PTPN5: variants seen among roughly 807,000 people sequenced by gnomAD.
The protein encoded by PTPN5 is tyrosine-protein phosphatase non-receptor type 5.
PTPN5 carries 29 observed loss-of-function variants against 73.9 expected under a neutral mutation model. The observed-to-expected ratio is 0.39, with a 90% confidence interval of 0.29 to 0.54. The LOEUF is 0.54. PTPN5 is among the 20% of genes least tolerant of loss of function. The pLI, the probability that PTPN5 is intolerant of heterozygous loss-of-function variation, is 0.65. For missense variants in PTPN5, 652 were observed against 751.4 expected (o/e 0.87, Z 1.55); for synonymous variants, 267 against 304.7 (o/e 0.88, Z 1.29).
intron 1 of PTPN5, among the ~76,000 whole-genome samples, chr11:18,784,175 C>T (rs557533731): frequency 6.6e-6 from 1 of 152,266 alleles, no homozygotes; most frequent in East Asian, 1.9e-4. Flanking sequence ...GAGGTATATA[C>T]CCCAAAGAAT....
chr11:18,769,422 G>C (rs530517963), intron 2 of PTPN5, among the ~76,000 whole-genome samples: 1 of 152,142 alleles, frequency 6.6e-6, no homozygotes, highest in African/African-American at 2.4e-5. Flanking sequence ...ATTAATTTTT[G>C]AGACGGAGTC....
intron 1 of PTPN5, among the ~76,000 whole-genome samples, chr11:18,790,255 G>A (rs781045975): frequency 2.0e-5 from 3 of 152,052 alleles, no homozygotes; most frequent in Non-Finnish European, 4.4e-5. Flanking sequence ...TGCCCTTAAC[G>A]AGCCCCAAGG....
At chr11:18,734,398 G>A (rs1450186427) in intron 9 of PTPN5, among the ~76,000 whole-genome samples, 2 of 152,076 alleles carry the variant, frequency 1.3e-5, no homozygotes, top group Non-Finnish European at 2.9e-5. Context: ...GCTCGCTGCC[G>A]CCTCAAACTC....
chr11:18,732,723 C>G (rs1848941741), intron 11 of PTPN5, 21 bp from the exon 12 acceptor site: 1 of 1,595,612 alleles, frequency 6.3e-7, no homozygotes, highest in Non-Finnish European at 8.6e-7. Flanking sequence ...CCAGATCAGG[C>G]TGCCATACAA....
Position 18,733,467 on chromosome 11 carries a change from CA to C in PTPN5, c.1080+88del. On this transcript the variant is annotated intron_variant, in intron 10 of 14. Coordinates refer to ENST00000358540, the MANE Select transcript of PTPN5 (RefSeq NM_006906.2). The surrounding 1 kb of genome is among the most constrained non-coding windows in gnomAD (Gnocchi z 4.3). ...GCTCTTCACAGGAGCTGGCAGGAGC[CA>C]GACTGGTGTAGGGACAAGGCTGGAG... The C allele has an allele frequency of 1.2e-6, 2 of 1,611,258 alleles. No homozygotes were observed. Among genetic ancestry groups the C allele is most frequent in the Non-Finnish European group, 1.7e-6 (2 of 1,178,126 alleles).
intron 3 of PTPN5, among the ~76,000 whole-genome samples, chr11:18,764,454 C>T (rs1313621180): frequency 6.6e-6 from 1 of 152,184 alleles, no homozygotes; most frequent in African/African-American, 2.4e-5. Flanking sequence ...AGCAATGGCA[C>T]CCCCTACTGG....
At chr11:18,745,042 G>T (rs1039037618) in intron 3 of PTPN5, among the ~76,000 whole-genome samples, 3 of 152,222 alleles carry the variant, frequency 2.0e-5, no homozygotes, top group Non-Finnish European at 4.4e-5. Flanking sequence ...GCAGAGTTCT[G>T]CTACTAAAGA....
chr11:18,745,350 C>T (rs4237730), intron 3 of PTPN5, among the ~76,000 whole-genome samples: 148,626 of 152,282 alleles, frequency 0.98, 72,625 homozygotes, highest in East Asian at 1. Flanking sequence ...TTACTGAGCA[C>T]CTCCCATGGC....
At chr11:18,778,967 C>A (rs1008704470) in intron 1 of PTPN5, among the ~76,000 whole-genome samples, 4 of 152,162 alleles carry the variant, frequency 2.6e-5, no homozygotes, top group Admixed American at 2.0e-4. Flanking sequence ...GCCCATGCTG[C>A]TGTCCCTTGC....
chr11:18,779,926 G>C (rs143077247), intron 1 of PTPN5, among the ~76,000 whole-genome samples: 3 of 152,314 alleles, frequency 2.0e-5, no homozygotes, highest in African/African-American at 7.2e-5. Flanking sequence ...GCACCGATGA[G>C]AGCTGCAGGG....
At chr11:18,769,104 G>T (rs149082711) in intron 2 of PTPN5, among the ~76,000 whole-genome samples, 3 of 152,204 alleles carry the variant, frequency 2.0e-5, no homozygotes, top group Non-Finnish European at 4.4e-5. Flanking sequence ...AGGATGTCCC[G>T]GAGTGAAAGT....
intron 2 of PTPN5, 94 bp downstream of exon 2, chr11:18,771,845 G>T: frequency 3.8e-6 from 4 of 1,044,750 alleles, no homozygotes; most frequent in South Asian, 1.3e-5. Context: ...AACACCTCAT[G>T]AGAATGGGTC....
At chr11:18,780,697 C>T (rs546837766) in intron 1 of PTPN5, among the ~76,000 whole-genome samples, 5 of 152,278 alleles carry the variant, frequency 3.3e-5, no homozygotes, top group East Asian at 3.9e-4. Flanking sequence ...CACCCTGTCC[C>T]GGGCTGCTCC....
chr11:18,758,175 T>G (rs1850236431), intron 3 of PTPN5, among the ~76,000 whole-genome samples: 1 of 152,214 alleles, frequency 6.6e-6, no homozygotes, highest in Non-Finnish European at 1.5e-5. Flanking sequence ...TTCTCTGCAC[T>G]CCTCCTATCA....
intron 1 of PTPN5, among the ~76,000 whole-genome samples, chr11:18,785,397 T>C (rs1209774934): frequency 6.6e-6 from 1 of 152,178 alleles, no homozygotes; most frequent in Non-Finnish European, 1.5e-5. Context: ...GACAAAATGT[T>C]AAGTGAAAAA....
At chr11:18,768,544 C>T (rs1400880650) in intron 2 of PTPN5, among the ~76,000 whole-genome samples, 1 of 152,252 alleles carries the variant, frequency 6.6e-6, no homozygotes, top group African/African-American at 2.4e-5. Flanking sequence ...GTGACTCACA[C>T]CTGCTTTCAC....
At position 18,729,351 on chromosome 11, in the gene PTPN5, C is replaced by T; in HGVS notation, c.1604+102G>A. ...CCCATCAGTCCGTGCCAGTGTTTTC[C>T]ATCTGCCCCTCACCCCCCGCCCATG... On this transcript the variant is annotated intron_variant, in intron 14 of 14. Coordinates refer to ENST00000358540, the MANE Select transcript of PTPN5 (RefSeq NM_006906.2). This position sits in a 1 kb window ranked among gnomAD's most constrained non-coding sequence, Gnocchi z 5.2. 1.5e-6 allele frequency: 1 copy of T among 675,800 alleles called. No homozygotes were observed. Among genetic ancestry groups the T allele is most frequent in the South Asian group, 1.7e-5 (1 of 60,566 alleles). The allele number at this position is 675,800 out of a possible 1,614,324, so 41.9% of individuals were successfully genotyped here. A position where few individuals can be genotyped will look rare whatever the true frequency, so the allele number is the denominator to read the frequency against.
chr11:18,781,900 C>T lies in PTPN5; in HGVS notation c.-114+9625G>A, dbSNP rs891616916. Among the ~76,000 whole-genome samples the T allele has an allele frequency of 5.3e-5, 8 of 152,156 alleles. No homozygotes were observed. In the East Asian group the frequency reaches 5.8e-4, roughly 11 times the overall value. ...TCTGGGAAGCTGCACAGAAGAGACC[C>T]GAAGGACAAGCAGGAGTTCACCAGA... On this transcript the variant is annotated intron_variant, in intron 1 of 14. Coordinates refer to ENST00000358540, the MANE Select transcript of PTPN5 (RefSeq NM_006906.2).
chr11:18,744,490 C>A (rs1054042594), intron 3 of PTPN5: 11 of 291,942 alleles, frequency 3.8e-5, no homozygotes, highest in Non-Finnish European at 3.1e-5. Flanking sequence ...TCATTCTTTT[C>A]CATTTCTTAA....
Sources: allele counts gnomAD v4.1 joint callset (sites outside exome capture counted in the v4.1 genomes callset), GRCh38; gene constraint gnomAD v4.1.1; non-coding constraint Gnocchi (gnomAD v3.1); transcripts MANE v1.5; gene names NCBI Gene and HGNC (gene_info 2026-07-23, HGNC 2026-07-21).